The following GABRA3 variants were observed in gnomAD, a reference collection of about 807,000 sequenced individuals.
The protein encoded by GABRA3 is gamma-aminobutyric acid type A receptor subunit alpha3.
In GABRA3, 10 loss-of-function variants were observed where a neutral mutation model predicts 30.1. That is an observed-to-expected ratio of 0.33 (90% CI 0.20 to 0.56). GABRA3 has a LOEUF of 0.56. Among genes scored for constraint, GABRA3 ranks in the 20% least tolerant of loss-of-function variants. GABRA3 has a pLI of 0.89. For synonymous variants in GABRA3, 151 were observed against 146.8 expected (o/e 1.03, Z -0.21); for missense variants, 233 against 392.0 (o/e 0.59, Z 3.42).
In GABRA3 at chrX:152,345,657, G is replaced by A; in HGVS notation, c.186C>T (p.Asp62=). The A allele has an allele frequency of 8.3e-7, 1 of 1,204,242 alleles. No individual in the cohort carries two copies. The highest frequency in any genetic ancestry group is 1.1e-6 in the Non-Finnish European group (1 of 891,584). The change falls in exon 3 of 10, where the codon GAC becomes GAT. Residue 62 remains aspartate, a synonymous_variant. Coordinates refer to ENST00000370314, the MANE Select transcript of GABRA3 (RefSeq NM_000808.4). ...AGATTCTGGTGAAGATAGTGATGTTGTCAGTGCTGTCATCAGGAATATCTG... is the reference window on the plus strand; with the variant it reads ...AGATTCTGGTGAAGATAGTGATGTTATCAGTGCTGTCATCAGGAATATCTG... ...HAPDIPDDST[D]NITIFTRILD... is the part of the protein sequence containing the mutation.
chrX:152,357,426 T>TTC (rs769942910), intron 2 of GABRA3, among the ~76,000 whole-genome samples: 1 of 112,231 alleles, frequency 8.9e-6, no homozygotes, highest in African/African-American at 3.2e-5. Flanking sequence ...AAAAATGTCT[T>TTC]CTTTTGAGGA....
At chrX:152,199,435 C>G (rs748139161) in intron 7 of GABRA3, among the ~76,000 whole-genome samples, 42 of 109,443 alleles carry the variant, frequency 3.8e-4, no homozygotes, top group African/African-American at 1.4e-3. Context: ...CCAAGGAATG[C>G]CAAAGATTAC....
intron 5 of GABRA3, among the ~76,000 whole-genome samples, chrX:152,238,585 T>C (rs1938281881): frequency 9.2e-6 from 1 of 108,317 alleles, no homozygotes; most frequent in Admixed American, 9.8e-5. Context: ...TTCCTCCTTG[T>C]ACCTCTGGTA....
intron 1 of GABRA3, among the ~76,000 whole-genome samples, chrX:152,382,901 A>G (rs370948909): frequency 1.8e-5 from 2 of 111,933 alleles, no homozygotes; most frequent in South Asian, 7.5e-4. Flanking sequence ...TGCCAGTACC[A>G]TATTGTTTTG....
intron 1 of GABRA3, among the ~76,000 whole-genome samples, chrX:152,381,776 C>T (rs1381611521): frequency 9.1e-6 from 1 of 110,400 alleles, no homozygotes. Flanking sequence ...GTTCAACTCC[C>T]ACTTATGAGT....
At chrX:152,271,821 G>A (rs779072548) in intron 4 of GABRA3, among the ~76,000 whole-genome samples, 76 of 111,725 alleles carry the variant, frequency 6.8e-4, no homozygotes, top group Non-Finnish European at 1.2e-3. Context: ...CTCCAGCTGT[G>A]TCTAAAAAGG....
intron 1 of GABRA3, among the ~76,000 whole-genome samples, chrX:152,376,917 G>A (rs1929013939): frequency 9.0e-6 from 1 of 111,581 alleles, no homozygotes; most frequent in Non-Finnish European, 1.9e-5. Flanking sequence ...CTCATTAAGA[G>A]AGACAGGAAT....
intron 9 of GABRA3, among the ~76,000 whole-genome samples, chrX:152,170,888 G>A (rs1182336051): frequency 2.7e-5 from 3 of 111,492 alleles, no homozygotes; most frequent in Non-Finnish European, 5.6e-5. Flanking sequence ...TTCTCCCTGG[G>A]GATTGCAATC....
At chrX:152,197,951 T>TTG (rs1449278903) in intron 7 of GABRA3, among the ~76,000 whole-genome samples, 166 bp from the exon 8 acceptor site, 1 of 111,681 alleles carries the variant, frequency 9.0e-6, no homozygotes, top group East Asian at 2.8e-4. Context: ...AGTGTGTTTT[T>TTG]TGTGTGTGTG....
chrX:152,352,070 T>A (rs539294017), intron 2 of GABRA3, among the ~76,000 whole-genome samples: 1 of 111,357 alleles, frequency 9.0e-6, no homozygotes, highest in African/African-American at 3.3e-5. Flanking sequence ...ATAACAGATA[T>A]AATAATCAAG....
rs187683033 is a variant in GABRA3, at chrX:152,434,661, G to A, written c.-27+16485C>T. ...AAAAAACTGTAAATAAAAATAAGCC[G>A]AGATATATATAACAAGAATAATACA... On this transcript the variant is annotated intron_variant, in intron 1 of 9. Coordinates refer to ENST00000370314, the MANE Select transcript of GABRA3 (RefSeq NM_000808.4). Among the ~76,000 whole-genome samples, 59 of 111,538 alleles carry A rather than the reference G, an allele frequency of 5.3e-4. 2 individuals are homozygous for A. The East Asian group carries it at 0.01, about 20-fold the overall frequency.
intron 4 of GABRA3, among the ~76,000 whole-genome samples, chrX:152,269,300 A>G (rs149077459): frequency 8.9e-6 from 1 of 112,197 alleles, no homozygotes; most frequent in Non-Finnish European, 1.9e-5. Flanking sequence ...AGAAAGATCA[A>G]TACAAGGAAA....
chrX:152,291,306 GCTCT>G (rs1222658594), intron 3 of GABRA3, among the ~76,000 whole-genome samples: 1 of 111,171 alleles, frequency 9.0e-6, no homozygotes, highest in Non-Finnish European at 1.9e-5. Context: ...TCATGATGTG[GCTCT>G]CTGTCTGTTA....
intron 2 of GABRA3, 30 bp from the exon 3 acceptor site, chrX:152,345,732 T>A (rs201547939): frequency 2.8e-6 from 3 of 1,079,546 alleles, no homozygotes; most frequent in African/African-American, 4.0e-5. Context: ...AGAAAAAAAA[T>A]AATAGTTCTT....
At chrX:152,208,691 T>C (rs190823451) in intron 6 of GABRA3, among the ~76,000 whole-genome samples, 1 of 111,548 alleles carries the variant, frequency 9.0e-6, no homozygotes, top group East Asian at 2.8e-4. Context: ...GCTGTATTAG[T>C]TCACAGGCTA....
At chrX:152,215,632 C>T (rs1429573134) in intron 6 of GABRA3, among the ~76,000 whole-genome samples, 5 of 111,185 alleles carry the variant, frequency 4.5e-5, no homozygotes, top group Admixed American at 2.9e-4. Context: ...AAACCCAATG[C>T]TATAAAATTA....
chrX:152,432,596 C>G (rs1930673509), intron 1 of GABRA3, among the ~76,000 whole-genome samples: 1 of 110,531 alleles, frequency 9.0e-6, no homozygotes, highest in Non-Finnish European at 1.9e-5. Flanking sequence ...GAAATTGAAC[C>G]AGGAGGCTAA....
chrX:152,235,294 T>G (rs1319313023), intron 5 of GABRA3, among the ~76,000 whole-genome samples: 1 of 111,858 alleles, frequency 8.9e-6, no homozygotes, highest in Non-Finnish European at 1.9e-5. Flanking sequence ...TGCTATTGAT[T>G]TTTATATGTG....
chrX:152,268,011 C>A (rs908186433), intron 4 of GABRA3, among the ~76,000 whole-genome samples: 4 of 109,181 alleles, frequency 3.7e-5, no homozygotes, highest in African/African-American at 6.7e-5. Flanking sequence ...TACTATTACA[C>A]CTACTAATTT....
Sources: gnomAD v4.1 joint callset for allele counts (sites outside exome capture counted in the v4.1 genomes callset) on GRCh38, gnomAD v4.1.1 for gene constraint, MANE v1.5 for transcripts, NCBI Gene and HGNC (gene_info 2026-07-23, HGNC 2026-07-21) for gene names.